Variants in ANKS1B observed in about 807,000 individuals in gnomAD.
ANKS1B encodes the protein ankyrin repeat and sterile alpha motif domain-containing protein 1B.
ANKS1B carries 36 observed loss-of-function variants against 148.3 expected under a neutral mutation model. That is an observed-to-expected ratio of 0.24 (90% confidence interval 0.19 to 0.32). ANKS1B has a LOEUF of 0.32. Among genes scored for constraint, ANKS1B ranks in the 10% least tolerant of loss-of-function variants. The pLI, the probability that ANKS1B is intolerant of heterozygous loss-of-function variation, is 1.00. For missense variants in ANKS1B, 1,157 were observed against 1,542.6 expected, an observed-to-expected ratio of 0.75 and a Z score of 4.19; for synonymous variants, 542 against 560.8, an observed-to-expected ratio of 0.97 and a Z score of 0.47.
intron 12 of ANKS1B, among the ~76,000 whole-genome samples, chr12:99,331,590 T>C (rs1254717959): frequency 6.6e-6 from 1 of 152,034 alleles, no homozygotes; most frequent in African/African-American, 2.4e-5. Flanking sequence ...TCTTTCAGAA[T>C]GAGATCTGTA....
chr12:99,514,520 C>A (rs146200334), intron 9 of ANKS1B, among the ~76,000 whole-genome samples: 6 of 152,084 alleles, frequency 3.9e-5, no homozygotes, highest in African/African-American at 1.4e-4. Context: ...CTCATTTAGC[C>A]CTCACAACAA....
chr12:99,579,874 G>C (rs575302724), intron 9 of ANKS1B, among the ~76,000 whole-genome samples: 2 of 151,482 alleles, frequency 1.3e-5, no homozygotes, highest in Non-Finnish European at 2.9e-5. Context: ...AAAATAAATC[G>C]TTCCACCAAA....
chr12:99,455,656 C>A (rs114457087), intron 10 of ANKS1B, among the ~76,000 whole-genome samples: 274 of 152,200 alleles, frequency 1.8e-3, no homozygotes, highest in African/African-American at 6.1e-3. Flanking sequence ...CTTTCCACCA[C>A]TTTCCTGGTG....
At chr12:98,889,350 AT>A (rs199671576) in intron 17 of ANKS1B, among the ~76,000 whole-genome samples, 13,889 of 145,452 alleles carry the variant, frequency 0.095, 1,064 homozygotes, top group East Asian at 0.37. Flanking sequence ...AACCTTTTTT[AT>A]TTTTTTTTTT....
intron 16 of ANKS1B, 147 bp from the exon 17 acceptor site, chr12:99,053,456 T>G (rs1461549847): frequency 3.3e-6 from 2 of 606,806 alleles, no homozygotes; most frequent in Non-Finnish European, 5.1e-6. Flanking sequence ...CTTTCTGATG[T>G]GTTTTCACAA....
chr12:99,049,482 C>G (rs912149115), intron 17 of ANKS1B, among the ~76,000 whole-genome samples: 2 of 152,120 alleles, frequency 1.3e-5, no homozygotes, highest in Non-Finnish European at 2.9e-5. Context: ...GATGATAGCT[C>G]TACTGCATTT....
chr12:99,174,355 G>A (rs2078129555), intron 14 of ANKS1B, among the ~76,000 whole-genome samples: 1 of 152,246 alleles, frequency 6.6e-6, no homozygotes, highest in Non-Finnish European at 1.5e-5. Context: ...GTTAAGCCAT[G>A]TCTAGATTCC....
chr12:99,442,025 T>C (rs767358257), intron 11 of ANKS1B, among the ~76,000 whole-genome samples: 1 of 151,862 alleles, frequency 6.6e-6, no homozygotes, highest in Non-Finnish European at 1.5e-5. Flanking sequence ...TATAGGACAA[T>C]GTCTTACTTA....
intron 8 of ANKS1B, among the ~76,000 whole-genome samples, chr12:99,757,629 G>A (rs957722127): frequency 6.6e-6 from 1 of 151,856 alleles, no homozygotes; most frequent in South Asian, 2.1e-4. Flanking sequence ...TTATAAAGAC[G>A]AATGCACACA....
At chr12:99,767,347 C>T (rs2062748877) in intron 8 of ANKS1B, among the ~76,000 whole-genome samples, 1 of 151,872 alleles carries the variant, frequency 6.6e-6, no homozygotes, top group Admixed American at 6.6e-5. Context: ...ATCCCTTAAG[C>T]TTCTTATTTA....
chr12:99,087,119 G>T (rs1326120036), intron 15 of ANKS1B, among the ~76,000 whole-genome samples: 3 of 152,224 alleles, frequency 2.0e-5, no homozygotes, highest in Non-Finnish European at 2.9e-5. Context: ...GGCAGTGAGT[G>T]GAACTTGATG....
intron 12 of ANKS1B, among the ~76,000 whole-genome samples, chr12:99,303,154 C>A (rs10860418): frequency 1.3e-5 from 2 of 152,012 alleles, no homozygotes; most frequent in Admixed American, 1.3e-4. Flanking sequence ...ATGTACACAG[C>A]AGTACTGCTG....
At chr12:99,058,389 G>A (rs576560997) in intron 16 of ANKS1B, among the ~76,000 whole-genome samples, 18 of 151,904 alleles carry the variant, frequency 1.2e-4, no homozygotes, top group African/African-American at 3.9e-4. Flanking sequence ...GACCACAGGT[G>A]TGCACCACTA....
At chr12:98,838,537 C>A (rs902008438) in intron 17 of ANKS1B, among the ~76,000 whole-genome samples, 2 of 152,212 alleles carry the variant, frequency 1.3e-5, no homozygotes, top group African/African-American at 4.8e-5. Context: ...TCAGAGAGTA[C>A]ACATGCAGCG....
intron 17 of ANKS1B, among the ~76,000 whole-genome samples, chr12:98,917,576 G>C (rs1159887818): frequency 6.6e-6 from 1 of 152,224 alleles, no homozygotes; most frequent in East Asian, 1.9e-4. Context: ...AAGACCACAA[G>C]ATGAGAAGGC....
intron 1 of ANKS1B, among the ~76,000 whole-genome samples, chr12:99,971,692 C>T (rs762412938): frequency 2.6e-5 from 4 of 151,864 alleles, no homozygotes; most frequent in South Asian, 2.1e-4. Context: ...TTCCCTGTAC[C>T]GTAAAACATA....
intron 15 of ANKS1B, among the ~76,000 whole-genome samples, chr12:99,137,177 G>GCTTCTAAAGTGCACTGTTTT (rs777816760): frequency 3.3e-5 from 5 of 152,176 alleles, no homozygotes; most frequent in African/African-American, 4.8e-5. Context: ...TCTGATTACA[G>GCTTCTAAAGTGCACTGTTTT]CTTCTAAAGT....
intron 8 of ANKS1B, among the ~76,000 whole-genome samples, chr12:99,753,749 C>T (rs190163244): frequency 1.1e-4 from 16 of 152,046 alleles, no homozygotes; most frequent in Admixed American, 1.3e-4. Flanking sequence ...AGGGTGGGCA[C>T]GGTGGCTCAC....
At chr12:99,954,349 T>G (rs1480190267) in intron 1 of ANKS1B, among the ~76,000 whole-genome samples, 2 of 152,248 alleles carry the variant, frequency 1.3e-5, no homozygotes. Context: ...CCTTCTTAAC[T>G]GACCTTCAAA....
Sources: allele counts gnomAD v4.1 joint callset (sites outside exome capture counted in the v4.1 genomes callset), GRCh38; gene constraint gnomAD v4.1.1; transcripts MANE v1.5; gene names NCBI Gene and HGNC (gene_info 2026-07-23, HGNC 2026-07-21).